Variants in TMEM63C observed in about 807,000 individuals in gnomAD.
TMEM63C encodes transmembrane protein 63C, also known as osmosensitive cation channel TMEM63C.
Under a neutral mutation model 99.2 loss-of-function variants are expected in TMEM63C, and 32 were observed. The ratio of observed to expected loss-of-function variants is 0.32; its 90% CI spans 0.24 to 0.43. TMEM63C has a LOEUF of 0.43. Among genes scored for constraint, TMEM63C ranks in the 20% least tolerant of loss-of-function variants. The pLI is 1.00. For missense variants in TMEM63C, 826 were observed against 1,053.0 expected (o/e 0.78, Z 2.98); for synonymous variants, 376 against 397.9 (o/e 0.94, Z 0.66).
At chr14:77,225,591 G>A (rs901552604) in intron 6 of TMEM63C, 130 bp downstream of exon 6, 12 of 877,930 alleles carry the variant, frequency 1.4e-5, no homozygotes, top group East Asian at 2.8e-5. Flanking sequence ...CCGCCACCTC[G>A]GCCCATTACC....
chr14:77,244,505 C>A, intron 16 of TMEM63C, 50 bp downstream of exon 16: 1 of 1,480,914 alleles, frequency 6.8e-7, no homozygotes. Flanking sequence ...CAGCCTCTTC[C>A]CCTGCCCTGG....
intron 6 of TMEM63C, 60 bp downstream of exon 6, chr14:77,225,521 C>T: frequency 1.9e-6 from 3 of 1,588,530 alleles, no homozygotes; most frequent in Non-Finnish European, 1.7e-6. Context: ...GGGGTGGAGG[C>T]TCCTGGAAAA....
chr14:77,248,655 G>C (rs556697105), intron 19 of TMEM63C, 112 bp from the exon 20 acceptor site: 491 of 1,498,404 alleles, frequency 3.3e-4, no homozygotes, highest in Non-Finnish European at 4.5e-4. Context: ...TACAGGGTTG[G>C]AAAGGAGGCT....
At chr14:77,195,620 G>C (rs1295848930) in intron 1 of TMEM63C, among the ~76,000 whole-genome samples, 2 of 152,126 alleles carry the variant, frequency 1.3e-5, no homozygotes, top group Non-Finnish European at 2.9e-5. Context: ...TGACCCCTTT[G>C]ACCTCCCCCA....
Position 77,259,380 on chromosome 14 carries a change from G to C in TMEM63C, c.*2654G>C, listed in dbSNP as rs1027400677. The C allele has an allele frequency of 3.9e-5, 6 of 152,626 alleles. No individual in the cohort carries two copies. Among genetic ancestry groups the C allele is most frequent in the African/African-American group, 1.5e-4 (6 of 41,372 alleles). 9.5% of individuals were successfully genotyped at this position (152,626 alleles called of 1,614,324 possible). On this transcript the variant is annotated 3_prime_UTR_variant, in exon 24 of 24. Coordinates refer to ENST00000298351, the MANE Select transcript of TMEM63C (RefSeq NM_020431.4). ...TTGCGTCCTCTGGGGCCCCCGGTCG[G>C]GGGGGAGGGGGTGTGGGCTAACCTT... is the stretch of plus-strand genomic sequence containing the variant.
At position 77,218,699 on chromosome 14, in the gene TMEM63C, C is replaced by T. The variant is rs115520036; in HGVS notation, c.-13-102C>T. On this transcript the variant is annotated intron_variant, in intron 2 of 23. Transcript: ENST00000298351. ...TGGGTCTGAAGTGGCCTAGCCTGGC[C>T]GAGGCACTCGGTGCCCATCCCACAA... The T allele has an allele frequency of 2.9e-3, 3,659 of 1,268,320 alleles. 80 individuals carry two copies. In the African/African-American group the frequency reaches 0.048, roughly 17 times the overall value. 78.6% of individuals were successfully genotyped at this position (1,268,320 alleles called of 1,614,324 possible). A position where few individuals can be genotyped will look rare whatever the true frequency, so the allele number is the denominator to read the frequency against.
intron 5 of TMEM63C, among the ~76,000 whole-genome samples, chr14:77,224,216 C>CTA (rs1888776565): frequency 6.6e-6 from 1 of 151,966 alleles, no homozygotes; most frequent in Non-Finnish European, 1.5e-5. Flanking sequence ...ACTTCTATTT[C>CTA]TTTTGTGCCT....
chr14:77,189,276 AT>A (rs5809812), intron 1 of TMEM63C, among the ~76,000 whole-genome samples: 30 of 146,202 alleles, frequency 2.1e-4, no homozygotes, highest in African/African-American at 7.0e-4. Context: ...CACCCAGCTA[AT>A]TTTTTTTTTT....
At chr14:77,212,735 G>A (rs560340410) in intron 1 of TMEM63C, among the ~76,000 whole-genome samples, 1 of 152,264 alleles carries the variant, frequency 6.6e-6, no homozygotes, top group Non-Finnish European at 1.5e-5. Context: ...GGTGGGAGAG[G>A]GTGAGGATCT....
At chr14:77,245,692 A>G (rs1051455699) in intron 16 of TMEM63C, among the ~76,000 whole-genome samples, 2 of 152,190 alleles carry the variant, frequency 1.3e-5, no homozygotes, top group African/African-American at 4.8e-5. Context: ...TTGTAATACC[A>G]TCAGATCTCA....
Position 77,194,493 on chromosome 14 carries a change from TTTTC to T in TMEM63C, c.-77+12657_-77+12660del, listed in dbSNP as rs756926975. The stretch of plus-strand genomic sequence containing the variant: ...CAGGGACATCCATGCCATATTTCTT[TTTTC>T]TTTCTTTCTTTCTTTCTTTCTTTCT... On this transcript the variant is annotated intron_variant, in intron 1 of 23. Coordinates refer to ENST00000298351, the MANE Select transcript of TMEM63C (RefSeq NM_020431.4). 6.4e-3 allele frequency among the ~76,000 whole-genome samples: 310 copies of T among 48,712 alleles called. 4 individuals carry two copies. Among genetic ancestry groups the T allele is most frequent in the African/African-American group, 0.02 (301 of 15,412 alleles). 32.0% of individuals were successfully genotyped at this position (48,712 alleles called of 152,430 possible).
rs904736217 is a variant in TMEM63C at position 77,257,379 on chromosome 14, G to A, written c.*653G>A. The A allele has an allele frequency of 6.6e-6, 1 of 152,326 alleles. No individual in the cohort carries two copies. The highest frequency in any genetic ancestry group is 1.5e-5 in the Non-Finnish European group (1 of 68,134). The allele number at this position is 152,326 out of a possible 1,614,324, so 9.4% of individuals were successfully genotyped here. A position where few individuals can be genotyped will look rare whatever the true frequency, so the allele number is the denominator to read the frequency against. The stretch of plus-strand genomic sequence containing the variant: ...CTCTGCCCTCATCAGATGTCCCCAG[G>A]AGCAGCAGGGCAGAGGCCCTTCTTT... On this transcript the variant is annotated 3_prime_UTR_variant, in exon 24 of 24. Transcript: ENST00000298351.
chr14:77,240,441 T>C (rs1264260177), intron 12 of TMEM63C, 34 bp from the exon 13 acceptor site: 3 of 1,591,268 alleles, frequency 1.9e-6, no homozygotes, highest in South Asian at 1.1e-5. Context: ...CCTGGGGCTC[T>C]GGCCCCAGCC....
intron 1 of TMEM63C, among the ~76,000 whole-genome samples, chr14:77,197,540 G>A (rs749714893): frequency 6.6e-5 from 10 of 152,242 alleles, no homozygotes; most frequent in Admixed American, 2.6e-4. Flanking sequence ...ACCCTAGGGT[G>A]AAGATTAACT....
intron 21 of TMEM63C, among the ~76,000 whole-genome samples, chr14:77,251,447 A>G (rs951590972): frequency 6.6e-6 from 1 of 152,060 alleles, no homozygotes; most frequent in Non-Finnish European, 1.5e-5. Flanking sequence ...TAGGTCAGAG[A>G]TGGCGTTGGG....
chr14:77,194,599 G>A (rs1449094228), intron 1 of TMEM63C, among the ~76,000 whole-genome samples: 1 of 103,748 alleles, frequency 9.6e-6, no homozygotes, highest in Non-Finnish European at 2.0e-5. Flanking sequence ...TTGGAGACAG[G>A]GTCTTGCTCT....
At chr14:77,232,468 A>G (rs959791145) in intron 7 of TMEM63C, among the ~76,000 whole-genome samples, 6 of 152,132 alleles carry the variant, frequency 3.9e-5, no homozygotes, top group Admixed American at 2.6e-4. Flanking sequence ...TTGTATTTTT[A>G]GTAGAGACGG....
intron 1 of TMEM63C, among the ~76,000 whole-genome samples, chr14:77,201,758 C>A (rs1888303942): frequency 6.6e-6 from 1 of 152,222 alleles, no homozygotes. Flanking sequence ...CATAAACTAA[C>A]ACCAAAGAGG....
In TMEM63C at chr14:77,248,556, A is replaced by G. The variant is rs1301338301; in HGVS notation, c.1764+47A>G. On this transcript the variant is annotated intron_variant, in intron 19 of 23. Transcript: ENST00000298351. ...AGCACAGCCCTCAGTTTCCTTTGGG[A>G]GGGTGTCAGGGATAGAGCCTGCTAG... The G allele has an allele frequency of 1.9e-6, 3 of 1,555,678 alleles. No individual in the cohort carries two copies. The Admixed American group carries it at 5.8e-5, about 30-fold the overall frequency.
Sources: allele counts gnomAD v4.1 joint callset (sites outside exome capture counted in the v4.1 genomes callset), GRCh38; gene constraint gnomAD v4.1.1; transcripts MANE v1.5; gene names NCBI Gene and HGNC (gene_info 2026-07-23, HGNC 2026-07-21).